The following KLHL42 variants were observed in gnomAD, a reference collection of about 807,000 sequenced individuals.
KLHL42 encodes the protein kelch like family member 42, also known as kelch-like protein 42.
In KLHL42, 27 loss-of-function variants were observed where a neutral mutation model predicts 32.7. The ratio of observed to expected loss-of-function variants is 0.83; its 90% confidence interval spans 0.61 to 1.14. The LOEUF is 1.14. KLHL42 is among the 50% of genes most tolerant of loss of function. The probability of loss-of-function intolerance (pLI) is 0.00; values close to 1 mark genes in which losing one functional copy is unlikely to be tolerated. For missense variants in KLHL42, 491 were observed against 560.8 expected, an observed-to-expected ratio of 0.88 and a Z score of 1.26; for synonymous variants, 267 against 248.2, an observed-to-expected ratio of 1.08 and a Z score of -0.71.
intron 1 of KLHL42, among the ~76,000 whole-genome samples, chr12:27,783,591 A>G (rs922064017): frequency 4.0e-5 from 6 of 150,746 alleles, no homozygotes; most frequent in African/African-American, 1.5e-4. Flanking sequence ...TTATTTTTTT[A>G]TTTTTTTTGA....
At position 27,797,756 on chromosome 12, in the gene KLHL42, A is replaced by T; in HGVS notation, c.1108A>T (p.Met370Leu). The change falls in exon 3 of 3, where the codon ATG (methionine) becomes TTG (leucine). Residue 370 changes from methionine to leucine, a missense_variant. Physicochemically the swap from Met to Leu is conservative, Grantham distance 15 (BLOSUM62 2). This residue lies in a region of KLHL42 where 152 missense variants were observed against 125.9 expected (regional missense o/e 1.21). Coordinates refer to ENST00000381271, the MANE Select transcript of KLHL42 (RefSeq NM_020782.2). ...NILQYCPSSD[M>L]WTLFETCDVH... is the part of the protein sequence containing the mutation. ...TTTGCAGTACTGCCCCTCTTCCGAC[A>T]TGTGGACGCTCTTTGAAACATGTGA... is the stretch of plus-strand genomic sequence containing the variant. The T allele has an allele frequency of 1.4e-6, 1 of 725,138 alleles. No individual in the cohort carries two copies. Among genetic ancestry groups the T allele is most frequent in the Non-Finnish European group, 2.6e-6 (1 of 389,474 alleles). The allele number at this position is 725,138 out of a possible 1,614,324, so 44.9% of individuals were successfully genotyped here.
At chr12:27,781,262 T>C in intron 1 of KLHL42, 60 bp downstream of exon 1, 1 of 1,558,256 alleles carries the variant, frequency 6.4e-7, no homozygotes, top group Non-Finnish European at 8.7e-7. Context: ...ATTAGTTCAT[T>C]ACCCCAGTGT....
rs542842648 is a variant in KLHL42 at position 27,798,697 on chromosome 12, C to A, written c.*531C>A. On this transcript the variant is annotated 3_prime_UTR_variant, in exon 3 of 3. Coordinates refer to ENST00000381271, the MANE Select transcript of KLHL42 (RefSeq NM_020782.2). The stretch of plus-strand genomic sequence containing the variant: ...TCTGTGTTCAGATATTTTGTTTGCA[C>A]ACTACTTTTTAGGAAACTTATAATG... 6.6e-6 allele frequency: 1 copy of A among 152,084 alleles called. No homozygotes were observed. The highest frequency in any genetic ancestry group is 2.1e-4 in the South Asian group (1 of 4,802). 9.4% of individuals were successfully genotyped at this position (152,084 alleles called of 1,614,324 possible).
In KLHL42 at chr12:27,798,579, C is replaced by G. The variant is rs537539783; in HGVS notation, c.*413C>G. Reference sequence around the variant, plus strand: ...ACCTTAAGTGAGAGGTTTTCTTTTTCTTATCAGTGTCCTTGACAAGCATTC... The same window carrying G: ...ACCTTAAGTGAGAGGTTTTCTTTTTGTTATCAGTGTCCTTGACAAGCATTC... On this transcript the variant is annotated 3_prime_UTR_variant, in exon 3 of 3. Transcript: ENST00000381271. 1.0e-4 allele frequency: 18 copies of G among 172,048 alleles called. No homozygotes were observed. The highest frequency in any genetic ancestry group is 1.0e-3 in the Admixed American group (18 of 17,742). The allele number at this position is 172,048 out of a possible 1,614,324, so 10.7% of individuals were successfully genotyped here.
rs1296694560 is a variant in KLHL42 at position 27,801,289 on chromosome 12, A to T, written c.*3123A>T. On this transcript the variant is annotated 3_prime_UTR_variant, in exon 3 of 3. Transcript: ENST00000381271. ...GCTACACACCATTGAGATGGGCAAA[A>T]TTCTTTCTCTACAAAGGGAGTAATC... 1.3e-5 allele frequency: 2 copies of T among 152,308 alleles called. No homozygotes were observed. Among genetic ancestry groups the T allele is most frequent in the African/African-American group, 4.8e-5 (2 of 41,404 alleles). 9.4% of individuals were successfully genotyped at this position (152,308 alleles called of 1,614,324 possible). A position where few individuals can be genotyped will look rare whatever the true frequency, so the allele number is the denominator to read the frequency against.
chr12:27,795,234 A>G (rs1282946822), intron 2 of KLHL42, among the ~76,000 whole-genome samples: 6 of 152,268 alleles, frequency 3.9e-5, no homozygotes, highest in Admixed American at 3.9e-4. Flanking sequence ...AGAGCTGTTC[A>G]ACACTGACAG....
chr12:27,802,524 A>C lies in KLHL42; in HGVS notation c.*4358A>C, dbSNP rs1478346258. On this transcript the variant is annotated 3_prime_UTR_variant, in exon 3 of 3. Coordinates refer to ENST00000381271, the MANE Select transcript of KLHL42 (RefSeq NM_020782.2). Reference sequence around the variant, plus strand: ...TTATTTTCTCTGTTGACTTAGGAACACATCATAAATTCACACCAACTGACA... The same window carrying C: ...TTATTTTCTCTGTTGACTTAGGAACCCATCATAAATTCACACCAACTGACA... 6.6e-6 allele frequency: 1 copy of C among 152,658 alleles called. No homozygotes were observed. Among genetic ancestry groups the C allele is most frequent in the Non-Finnish European group, 1.5e-5 (1 of 68,046 alleles). 9.5% of individuals were successfully genotyped at this position (152,658 alleles called of 1,614,324 possible). A position where few individuals can be genotyped will look rare whatever the true frequency, so the allele number is the denominator to read the frequency against.
In KLHL42 at chr12:27,800,239, A is replaced by T. The variant is rs1466355337; in HGVS notation, c.*2073A>T. ...GTTAATTCTCTTCCTGGTTACATTCATTGGGTCTATTTGCCTAATGTTGAC... is the reference window on the plus strand; with the variant it reads ...GTTAATTCTCTTCCTGGTTACATTCTTTGGGTCTATTTGCCTAATGTTGAC... On this transcript the variant is annotated 3_prime_UTR_variant, in exon 3 of 3. Coordinates refer to ENST00000381271, the MANE Select transcript of KLHL42 (RefSeq NM_020782.2). 45 of 985,246 alleles carry T rather than the reference A, an allele frequency of 4.6e-5. No homozygotes were observed. Among genetic ancestry groups the T allele is most frequent in the Non-Finnish European group, 5.4e-5 (45 of 829,902 alleles). 61.0% of individuals were successfully genotyped at this position (985,246 alleles called of 1,614,324 possible).
At chr12:27,786,832 C>T (rs1340658037) in intron 1 of KLHL42, among the ~76,000 whole-genome samples, 1 of 148,968 alleles carries the variant, frequency 6.7e-6, no homozygotes, top group Admixed American at 6.8e-5. Context: ...ACGCTATTCT[C>T]CTGCCTCAGC....
Position 27,781,064 on chromosome 12 carries a change from G to C in KLHL42, c.734G>C (p.Gly245Ala), listed in dbSNP as rs745310781. 1.2e-6 allele frequency: 2 copies of C among 1,614,010 alleles called. No individual in the cohort carries two copies. The highest frequency in any genetic ancestry group is 1.7e-5 in the Admixed American group (1 of 59,994). Residue 245 changes from glycine (G) to alanine (A), a missense_variant, in exon 1 of 3, where the codon GGC becomes GCC. Physicochemically the swap from Gly to Ala is moderately conservative, Grantham distance 60 (BLOSUM62 0). Coordinates refer to ENST00000381271, the MANE Select transcript of KLHL42 (RefSeq NM_020782.2). ...NLPPDLVNVRGYGSAILDNYL... is the reference protein window; with the variant it reads ...NLPPDLVNVRAYGSAILDNYL... Reference sequence around the variant, plus strand: ...CCTCCCGACCTGGTCAATGTCAGGGGCTATGGGTCTGCCATCCTGGACAAC... The same window carrying C: ...CCTCCCGACCTGGTCAATGTCAGGGCCTATGGGTCTGCCATCCTGGACAAC...
At chr12:27,785,753 C>T (rs553513981) in intron 1 of KLHL42, among the ~76,000 whole-genome samples, 1 of 152,168 alleles carries the variant, frequency 6.6e-6, no homozygotes, top group South Asian at 2.1e-4. Flanking sequence ...ATGTATAGCC[C>T]TACTCCTAAC....
In KLHL42 at chr12:27,799,387, CATACTT is replaced by C. The variant is rs2062234320; in HGVS notation, c.*1224_*1229del. The stretch of plus-strand genomic sequence containing the variant: ...AACATTCCTCAAAAATACATACACT[CATACTT>C]ATGGAAATTTTATTTTGATTGAAAA... On this transcript the variant is annotated 3_prime_UTR_variant, in exon 3 of 3. Transcript: ENST00000381271. 6.6e-6 allele frequency: 1 copy of C among 152,214 alleles called. No homozygotes were observed. Among genetic ancestry groups the C allele is most frequent in the African/African-American group, 2.4e-5 (1 of 41,458 alleles). 9.4% of individuals were successfully genotyped at this position (152,214 alleles called of 1,614,324 possible).
At chr12:27,783,058 A>C (rs2062155885) in intron 1 of KLHL42, among the ~76,000 whole-genome samples, 1 of 152,236 alleles carries the variant, frequency 6.6e-6, no homozygotes, top group Non-Finnish European at 1.5e-5. Context: ...TGACTCTCCC[A>C]AAAACTTAAC....
intron 2 of KLHL42, among the ~76,000 whole-genome samples, chr12:27,793,230 G>A (rs1490717194): frequency 6.6e-6 from 1 of 151,804 alleles, no homozygotes; most frequent in Non-Finnish European, 1.5e-5. Flanking sequence ...AACATAGCAA[G>A]ACACCTTCTC....
intron 1 of KLHL42, among the ~76,000 whole-genome samples, chr12:27,782,177 A>G (rs896033860): frequency 6.6e-6 from 1 of 152,208 alleles, no homozygotes; most frequent in African/African-American, 2.4e-5. Context: ...TGGGGAGCTC[A>G]CAGCTGGGCA....
chr12:27,798,301 A>G lies in KLHL42; in HGVS notation c.*135A>G. On this transcript the variant is annotated 3_prime_UTR_variant, in exon 3 of 3. Transcript: ENST00000381271. Reference sequence around the variant, plus strand: ...TCACATATATACAGTAGCAGCTGTAAATAAGCTTACTTGAACTAATTACTT... The same window carrying G: ...TCACATATATACAGTAGCAGCTGTAGATAAGCTTACTTGAACTAATTACTT... 1 of 592,972 alleles carries G rather than the reference A, an allele frequency of 1.7e-6. No individual in the cohort carries two copies. Among genetic ancestry groups the G allele is most frequent in the Non-Finnish European group, 3.0e-6 (1 of 332,840 alleles). The allele number at this position is 592,972 out of a possible 1,614,324, so 36.7% of individuals were successfully genotyped here. A position where few individuals can be genotyped will look rare whatever the true frequency, so the allele number is the denominator to read the frequency against.
chr12:27,797,370 G>A, intron 2 of KLHL42: 3 of 482,512 alleles, frequency 6.2e-6, no homozygotes, highest in South Asian at 4.6e-5. Context: ...AGCTATTGAT[G>A]AGGGTTCTGA....
intron 1 of KLHL42, among the ~76,000 whole-genome samples, chr12:27,787,435 C>T (rs112815261): frequency 8.3e-5 from 12 of 144,660 alleles, no homozygotes; most frequent in East Asian, 2.1e-4. Context: ...GGGGAGGTTG[C>T]GGTGAGCCAA....
Position 27,798,482 on chromosome 12 carries a change from TCAA to T in KLHL42, c.*317_*319del, listed in dbSNP as rs780750254. On this transcript the variant is annotated 3_prime_UTR_variant, in exon 3 of 3. Coordinates refer to ENST00000381271, the MANE Select transcript of KLHL42 (RefSeq NM_020782.2). ...GTGTCTGTGTGGTAAAGGGCCAAAG[TCAA>T]TAATTGGGACAAATGGTAAAGATGA... 536 of 278,278 alleles carry T rather than the reference TCAA, an allele frequency of 1.9e-3. 4 individuals are homozygous for T. The highest frequency in any genetic ancestry group is 2.6e-3 in the South Asian group (46 of 17,994). The allele number at this position is 278,278 out of a possible 1,614,324, so 17.2% of individuals were successfully genotyped here. A position where few individuals can be genotyped will look rare whatever the true frequency, so the allele number is the denominator to read the frequency against.
Sources: gnomAD v4.1 joint callset for allele counts (sites outside exome capture counted in the v4.1 genomes callset) on GRCh38, gnomAD v4.1.1 for gene constraint, gnomAD v4.1.1 regional missense constraint, MANE v1.5 for transcripts, NCBI Gene and HGNC (gene_info 2026-07-23, HGNC 2026-07-21) for gene names.